The following RIMS2 variants were observed in gnomAD, a reference collection of about 807,000 sequenced individuals.
RIMS2 encodes regulating synaptic membrane exocytosis 2, also known as regulating synaptic membrane exocytosis protein 2.
RIMS2 carries 59 observed loss-of-function variants against 174.4 expected under a neutral mutation model. The observed-to-expected ratio is 0.34, with a 90% CI of 0.27 to 0.42. RIMS2 has a LOEUF of 0.42. Among genes scored for constraint, RIMS2 ranks in the 10% least tolerant of loss-of-function variants. RIMS2 has a pLI of 1.00. For missense variants in RIMS2, 1,620 were observed against 1,666.3 expected (o/e 0.97, Z 0.48); for synonymous variants, 606 against 572.5 (o/e 1.06, Z -0.84).
At chr8:104,188,747 T>C (rs2098982550) in intron 19 of RIMS2, among the ~76,000 whole-genome samples, 2 of 151,882 alleles carry the variant, frequency 1.3e-5, no homozygotes, top group African/African-American at 4.8e-5. Context: ...TAACAAAATG[T>C]CATTTCCTTC....
intron 1 of RIMS2, among the ~76,000 whole-genome samples, chr8:103,590,178 A>G (rs979849608): frequency 5.9e-5 from 9 of 151,418 alleles, no homozygotes; most frequent in African/African-American, 2.2e-4. Context: ...CTGTATCAAA[A>G]CATATCATGT....
At chr8:103,542,982 A>G (rs1338467613) in intron 1 of RIMS2, among the ~76,000 whole-genome samples, 1 of 152,190 alleles carries the variant, frequency 6.6e-6, no homozygotes, top group Non-Finnish European at 1.5e-5. Flanking sequence ...GCCTGCTCCT[A>G]CCACTTCTAT....
At chr8:104,098,999 T>A (rs1478807712) in intron 19 of RIMS2, among the ~76,000 whole-genome samples, 1 of 152,230 alleles carries the variant, frequency 6.6e-6, no homozygotes, top group African/African-American at 2.4e-5. Context: ...CTTTTTAGCT[T>A]GTTAAACAGA....
At chr8:104,033,010 A>G (rs896665287) in intron 19 of RIMS2, among the ~76,000 whole-genome samples, 16 of 151,968 alleles carry the variant, frequency 1.1e-4, no homozygotes, top group Non-Finnish European at 5.9e-5. Flanking sequence ...ATTAAGGAGA[A>G]TAGGATGCTT....
intron 19 of RIMS2, among the ~76,000 whole-genome samples, chr8:104,103,890 C>T (rs12544608): frequency 0.1 from 15,256 of 152,138 alleles, 861 homozygotes; most frequent in Middle Eastern, 0.14. Context: ...GTACTCATGA[C>T]TTCACAGTCA....
chr8:103,939,890 T>C (rs1357777382), intron 13 of RIMS2, among the ~76,000 whole-genome samples: 1 of 152,084 alleles, frequency 6.6e-6, no homozygotes. Context: ...TTTGCTGCAG[T>C]TCCCAAAAAA....
chr8:103,892,929 A>C (rs2154521978), intron 4 of RIMS2, among the ~76,000 whole-genome samples: 1 of 152,162 alleles, frequency 6.6e-6, no homozygotes, highest in Non-Finnish European at 1.5e-5. Flanking sequence ...AATGGATAGA[A>C]AAATGTATAC....
intron 19 of RIMS2, among the ~76,000 whole-genome samples, chr8:104,113,032 G>T (rs902802572): frequency 7.9e-5 from 12 of 151,900 alleles, no homozygotes; most frequent in Non-Finnish European, 4.4e-5. Flanking sequence ...TTCTGCTAAT[G>T]GTTCATTCTT....
At chr8:103,696,885 A>AAAAAAAAAAC (rs1554753422) in intron 1 of RIMS2, among the ~76,000 whole-genome samples, 2 of 136,836 alleles carry the variant, frequency 1.5e-5, no homozygotes, top group Non-Finnish European at 1.6e-5. Context: ...AAAAAAAAAA[A>AAAAAAAAAAC]GAAGGTAGAA....
In RIMS2 at chr8:104,041,667, C is replaced by A. The variant is rs76800996; in HGVS notation, c.3334+27052C>A. Among the ~76,000 whole-genome samples, 963 of 151,688 alleles carry A rather than the reference C, an allele frequency of 6.3e-3. 15 individuals are homozygous for A. The highest frequency in any genetic ancestry group is 0.022 in the African/African-American group (906 of 41,492). ...GTATGTATATTTAGGTACACACACACACATATGTTTGGTTTCAAGCATTTT... is the reference window on the plus strand; with the variant it reads ...GTATGTATATTTAGGTACACACACAAACATATGTTTGGTTTCAAGCATTTT... On this transcript the variant is annotated intron_variant, in intron 19 of 23. Transcript: ENST00000504942.
chr8:103,947,330 C>G (rs999684747), intron 14 of RIMS2, among the ~76,000 whole-genome samples: 1 of 152,154 alleles, frequency 6.6e-6, no homozygotes, highest in African/African-American at 2.4e-5. Context: ...GGAGAAAATA[C>G]AGTCATGTGG....
Position 103,899,247 on chromosome 8 carries a change from T to A in RIMS2, c.1625-10887T>A, listed in dbSNP as rs544551101. 1.7e-4 allele frequency among the ~76,000 whole-genome samples: 26 copies of A among 151,912 alleles called. No individual in the cohort carries two copies. In the East Asian group the frequency reaches 4.8e-3, roughly 28 times the overall value. ...TTTGGGTATATACCCAGTAATGGGATGGCTGGGTCAAATGGTATTTCTAGT... is the reference window on the plus strand; with the variant it reads ...TTTGGGTATATACCCAGTAATGGGAAGGCTGGGTCAAATGGTATTTCTAGT... On this transcript the variant is annotated intron_variant, in intron 4 of 23. Transcript: ENST00000504942.
intron 6 of RIMS2, among the ~76,000 whole-genome samples, chr8:103,914,315 AT>A (rs2076268715): frequency 6.6e-6 from 1 of 152,306 alleles, no homozygotes; most frequent in African/African-American, 2.4e-5. Flanking sequence ...TCAATTCCAA[AT>A]ACAGGAGTTA....
At chr8:104,238,207 C>T (rs538482576) in intron 19 of RIMS2, among the ~76,000 whole-genome samples, 17 of 152,128 alleles carry the variant, frequency 1.1e-4, no homozygotes, top group African/African-American at 3.9e-4. Context: ...AACAGAAAAC[C>T]AAACACCGCA....
upstream of RIMS2, chr8:103,500,745 G>A (rs903114341): frequency 1.8e-6 from 1 of 540,714 alleles, no homozygotes; most frequent in African/African-American, 2.0e-5. Flanking sequence ...TTGGGGGAGG[G>A]GGGCTGTCGC....
chr8:103,688,182 G>C (rs551715228), intron 1 of RIMS2, among the ~76,000 whole-genome samples: 61 of 152,000 alleles, frequency 4.0e-4, no homozygotes, highest in Non-Finnish European at 3.4e-4. Context: ...CTTGATCTTA[G>C]AGGAAAGTTT....
intron 19 of RIMS2, among the ~76,000 whole-genome samples, chr8:104,230,177 G>T (rs1398171870): frequency 6.6e-6 from 1 of 151,758 alleles, no homozygotes; most frequent in Non-Finnish European, 1.5e-5. Flanking sequence ...TACTCAGGAG[G>T]CTGAGGCAGG....
chr8:103,977,868 G>A (rs75269795), intron 16 of RIMS2, among the ~76,000 whole-genome samples: 3,893 of 152,316 alleles, frequency 0.026, 146 homozygotes, highest in African/African-American at 0.086. Flanking sequence ...GAAATGCATA[G>A]GATGAGATTT....
At chr8:103,705,868 T>C (rs2097219094) in intron 2 of RIMS2, among the ~76,000 whole-genome samples, 1 of 151,866 alleles carries the variant, frequency 6.6e-6, no homozygotes, top group African/African-American at 2.4e-5. Context: ...CACTCCTCTG[T>C]CTTTCAAGTG....
Sources: allele counts gnomAD v4.1 joint callset (sites outside exome capture counted in the v4.1 genomes callset), GRCh38; gene constraint gnomAD v4.1.1; transcripts MANE v1.5; gene names NCBI Gene and HGNC (gene_info 2026-07-23, HGNC 2026-07-21).